The following PDK1 variants were observed in gnomAD, a reference collection of about 807,000 sequenced individuals.
PDK1 encodes the protein pyruvate dehydrogenase kinase 1.
PDK1 carries 39 observed loss-of-function variants against 54.2 expected under a neutral mutation model. The observed-to-expected ratio is 0.72, with a 90% CI of 0.56 to 0.94. The LOEUF is 0.94. PDK1 is among the 40% of genes least tolerant of loss of function. PDK1 has a pLI of 0.00. For synonymous variants in PDK1, 221 were observed against 207.1 expected (o/e 1.07, Z -0.58); for missense variants, 552 against 566.0 (o/e 0.98, Z 0.25).
rs1422514741 is a variant in PDK1 at position 172,604,371 on chromosome 2, TC to T, written c.*8404del. The T allele has an allele frequency of 1.3e-5, 2 of 152,228 alleles. No homozygotes were observed. Among genetic ancestry groups the T allele is most frequent in the African/African-American group, 4.8e-5 (2 of 41,462 alleles). 9.4% of individuals were successfully genotyped at this position (152,228 alleles called of 1,614,324 possible). ...ACCTGGCCAGACATAGCATATATCTTCCTTTACATAGATTGCCTTTGATTTC... is the reference window on the plus strand; with the variant it reads ...ACCTGGCCAGACATAGCATATATCTTCTTTACATAGATTGCCTTTGATTTC... On this transcript the variant is annotated 3_prime_UTR_variant, in exon 11 of 11. Coordinates refer to ENST00000282077, the MANE Select transcript of PDK1 (RefSeq NM_002610.5).
the PDK1 span, among the ~76,000 whole-genome samples, chr2:172,645,620 C>T: frequency 1.8e-4 from 27 of 152,188 alleles, no homozygotes; most frequent in Admixed American, 7.8e-4. Flanking sequence ...CACTGTATAA[C>T]GCCACTACTG....
In PDK1 at chr2:172,579,245, G is replaced by A. The variant is rs571310320; in HGVS notation, c.946-7033G>A. Reference sequence around the variant, plus strand: ...TTTTTGACAGATGTTTCCAGGGATGGGGGTGGGGTGCAAGACTTTTGTACT... The same window carrying A: ...TTTTTGACAGATGTTTCCAGGGATGAGGGTGGGGTGCAAGACTTTTGTACT... On this transcript the variant is annotated intron_variant, in intron 8 of 10. Transcript: ENST00000282077. Among the ~76,000 whole-genome samples the A allele has an allele frequency of 1.7e-4, 26 of 152,242 alleles. No individual in the cohort carries two copies. The South Asian group carries it at 5.4e-3, about 32-fold the overall frequency.
chr2:172,605,804 T>C lies in PDK1; in HGVS notation c.*9835T>C, dbSNP rs1199630887. 4 of 152,204 alleles carry C rather than the reference T, an allele frequency of 2.6e-5. No homozygotes were observed. The highest frequency in any genetic ancestry group is 5.9e-5 in the Non-Finnish European group (4 of 68,052). 9.4% of individuals were successfully genotyped at this position (152,204 alleles called of 1,614,324 possible). On this transcript the variant is annotated 3_prime_UTR_variant, in exon 11 of 11. Coordinates refer to ENST00000282077, the MANE Select transcript of PDK1 (RefSeq NM_002610.5). Reference sequence around the variant, plus strand: ...TTGGAAAATAATTCACCTACTTTGCTTCTCTCTGACCAACATAGGGGCAGG... The same window carrying C: ...TTGGAAAATAATTCACCTACTTTGCCTCTCTCTGACCAACATAGGGGCAGG...
chr2:172,714,593 CAAAT>C, the PDK1 span, among the ~76,000 whole-genome samples: 213 of 148,656 alleles, frequency 1.4e-3, 1 homozygote, highest in African/African-American at 4.8e-3. Flanking sequence ...TTAAATATAA[CAAAT>C]AAATGTATTA....
chr2:172,571,828 T>TTTTG (rs1689281404), intron 8 of PDK1, among the ~76,000 whole-genome samples: 1 of 125,386 alleles, frequency 8.0e-6, no homozygotes, highest in African/African-American at 3.3e-5. Context: ...CTTTACTTTT[T>TTTTG]TTTTTTTTTT....
intron 8 of PDK1, among the ~76,000 whole-genome samples, chr2:172,585,518 G>A (rs1180867323): frequency 2.0e-5 from 3 of 151,766 alleles, no homozygotes; most frequent in Admixed American, 2.0e-4. Flanking sequence ...TAGAGATGGG[G>A]TTTCGCTGTG....
chr2:172,689,562 A>G, the PDK1 span, among the ~76,000 whole-genome samples: 1 of 152,348 alleles, frequency 6.6e-6, no homozygotes, highest in South Asian at 2.1e-4. Flanking sequence ...AGCAAAAAGA[A>G]CAAAGCTGGA....
chr2:172,616,519 C>T, the PDK1 span, among the ~76,000 whole-genome samples: 4 of 151,968 alleles, frequency 2.6e-5, no homozygotes, highest in South Asian at 2.1e-4. Context: ...TGAAAACCTA[C>T]GTTTTTTGAA....
At chr2:172,663,276 AG>A in the PDK1 span, among the ~76,000 whole-genome samples, 2 of 152,190 alleles carry the variant, frequency 1.3e-5, no homozygotes, top group East Asian at 3.9e-4. Flanking sequence ...TATTGGATTA[AG>A]GCCCATCCTA....
chr2:172,621,762 A>ATG, the PDK1 span, among the ~76,000 whole-genome samples: 664 of 145,184 alleles, frequency 4.6e-3, 23 homozygotes, highest in African/African-American at 0.016. Context: ...TATATCTCAT[A>ATG]TATGTCATAT....
chr2:172,571,801 A>G (rs749089818), intron 8 of PDK1, among the ~76,000 whole-genome samples: 80 of 148,572 alleles, frequency 5.4e-4, no homozygotes, highest in Non-Finnish European at 9.2e-4. Flanking sequence ...CTCATTACTC[A>G]GAGATTCTTA....
the PDK1 span, among the ~76,000 whole-genome samples, chr2:172,646,901 C>T: frequency 6.6e-6 from 1 of 151,972 alleles, no homozygotes; most frequent in South Asian, 2.1e-4. Flanking sequence ...CCATGTCTGG[C>T]TGATTTTGTA....
At chr2:172,679,804 C>G in the PDK1 span, among the ~76,000 whole-genome samples, 1 of 152,096 alleles carries the variant, frequency 6.6e-6, no homozygotes, top group East Asian at 1.9e-4. Context: ...AAGGTAATAA[C>G]TCAGCAGATC....
intron 6 of PDK1, among the ~76,000 whole-genome samples, chr2:172,568,494 A>G (rs1353229929): frequency 1.3e-5 from 2 of 152,184 alleles, no homozygotes; most frequent in Non-Finnish European, 2.9e-5. Context: ...AAATGGGCGC[A>G]TGGGTTGGTT....
intron 9 of PDK1, among the ~76,000 whole-genome samples, chr2:172,592,090 C>G (rs1335926943): frequency 2.0e-5 from 3 of 152,176 alleles, no homozygotes; most frequent in Non-Finnish European, 4.4e-5. Context: ...TGTTAGGAAA[C>G]CTGCTGGGTT....
At chr2:172,611,440 T>C (rs960711960), downstream of PDK1, among the ~76,000 whole-genome samples, 3 of 152,158 alleles carry the variant, frequency 2.0e-5, no homozygotes, top group African/African-American at 7.2e-5. Context: ...TGAAGAATTC[T>C]ATCAAACATT....
the PDK1 span, among the ~76,000 whole-genome samples, chr2:172,636,273 A>G: frequency 6.6e-6 from 1 of 152,218 alleles, no homozygotes; most frequent in Admixed American, 6.5e-5. Flanking sequence ...GAAGTATGGC[A>G]CTAGCATCTG....
intron 7 of PDK1, among the ~76,000 whole-genome samples, chr2:172,569,482 T>G (rs1189430980): frequency 6.6e-6 from 1 of 152,100 alleles, no homozygotes; most frequent in African/African-American, 2.4e-5. Context: ...CAGGTCCTGG[T>G]GGGTGAAAAT....
intron 2 of PDK1, 145 bp downstream of exon 2, chr2:172,558,994 G>T (rs1181706592): frequency 7.3e-6 from 6 of 819,126 alleles, no homozygotes; most frequent in African/African-American, 3.6e-5. Context: ...TGTCGCCCAG[G>T]CTGGAGTGCA....
Sources: allele counts gnomAD v4.1 joint callset (sites outside exome capture counted in the v4.1 genomes callset), GRCh38; gene constraint gnomAD v4.1.1; transcripts MANE v1.5; gene names NCBI Gene and HGNC (gene_info 2026-07-23, HGNC 2026-07-21).